NAA16: variants seen among roughly 807,000 people sequenced by gnomAD.
NAA16 encodes the protein N-alpha-acetyltransferase 16, NatA auxiliary subunit.
In NAA16, 97 loss-of-function variants were observed where a neutral mutation model predicts 110.3. That is an observed-to-expected ratio of 0.88 (90% CI 0.75 to 1.04). The LOEUF is 1.04. Ranked by LOEUF, NAA16 falls within the 50% of genes least tolerant of loss-of-function variation. The probability of loss-of-function intolerance (pLI) is 0.00; values close to 1 mark genes in which losing one functional copy is unlikely to be tolerated. For synonymous variants in NAA16, 372 were observed against 330.6 expected (o/e 1.13, Z -1.36); for missense variants, 1,017 against 1,005.1 (o/e 1.01, Z -0.16).
chr13:41,372,270 T>A lies in NAA16; in HGVS notation c.2015T>A (p.Ile672Asn), dbSNP rs781104510. The A allele has an allele frequency of 6.2e-7, 1 of 1,601,610 alleles. No homozygotes were observed. Among genetic ancestry groups the A allele is most frequent in the Non-Finnish European group, 8.5e-7 (1 of 1,175,038 alleles). The change falls in exon 16 of 20, where the codon ATT becomes AAT. Residue 672 changes from isoleucine (I) to asparagine (N), a missense_variant. Physicochemically the swap from Ile to Asn is moderately radical, Grantham distance 149. Transcript: ENST00000379406. Reference protein sequence around the residue: ...IPLKNLVADNIDTHLLAFEIY... With the variant: ...IPLKNLVADNNDTHLLAFEIY... ...CTTAAGAACCTTGTTGCTGATAACA[T>A]TGACACTCATCTGTTAGCATTTGAA...
chr13:41,364,915 C>A (rs913883742), intron 13 of NAA16, among the ~76,000 whole-genome samples: 1 of 152,076 alleles, frequency 6.6e-6, no homozygotes, highest in African/African-American at 2.4e-5. Flanking sequence ...TCCGGGAACT[C>A]TGAGAGGTAG....
intron 9 of NAA16, among the ~76,000 whole-genome samples, chr13:41,340,009 T>C (rs1330870133): frequency 6.6e-6 from 1 of 152,206 alleles, no homozygotes; most frequent in Non-Finnish European, 1.5e-5. Flanking sequence ...GAATCTTCTA[T>C]AAACTCTGAT....
intron 5 of NAA16, among the ~76,000 whole-genome samples, chr13:41,323,884 T>G (rs2042015134): frequency 6.6e-6 from 1 of 152,182 alleles, no homozygotes; most frequent in African/African-American, 2.4e-5. Flanking sequence ...CCACCAACCT[T>G]GAGTCTCTTT....
intron 9 of NAA16, among the ~76,000 whole-genome samples, chr13:41,349,869 G>A (rs8001982): frequency 0.95 from 143,971 of 151,986 alleles, 68,260 homozygotes; most frequent in South Asian, 0.99. Context: ...GCTGAGGCAG[G>A]AGAATCGCTT....
In NAA16 at chr13:41,373,627, GT is replaced by G. The variant is rs1192659675; in HGVS notation, c.2156-5del. Reference sequence around the variant, plus strand: ...AAAAACAAAAAATCCAAATGTTTTTGTTTTTATAGTGTCTAATCATAGTAAT... The same window carrying G: ...AAAAACAAAAAATCCAAATGTTTTTGTTTTATAGTGTCTAATCATAGTAAT... On this transcript the variant is annotated splice_polypyrimidine_tract_variant and intron_variant, in intron 17 of 19. Transcript: ENST00000379406. 6.4e-7 allele frequency: 1 copy of G among 1,554,468 alleles called. No individual in the cohort carries two copies. Among genetic ancestry groups the G allele is most frequent in the Non-Finnish European group, 8.6e-7 (1 of 1,157,274 alleles).
intron 9 of NAA16, among the ~76,000 whole-genome samples, chr13:41,347,327 G>A (rs931374621): frequency 1.3e-5 from 2 of 151,582 alleles, no homozygotes; most frequent in Non-Finnish European, 2.9e-5. Flanking sequence ...GACTATTTTG[G>A]TTATTCAGGG....
At chr13:41,326,515 T>C (rs756166337) in intron 6 of NAA16, among the ~76,000 whole-genome samples, 6 of 152,216 alleles carry the variant, frequency 3.9e-5, no homozygotes, top group Non-Finnish European at 8.8e-5. Context: ...TTGAGTATGG[T>C]AATTGCTTAA....
chr13:41,337,884 A>G (rs895793423), intron 9 of NAA16, among the ~76,000 whole-genome samples: 1 of 152,186 alleles, frequency 6.6e-6, no homozygotes, highest in Non-Finnish European at 1.5e-5. Flanking sequence ...TACCTGTGGC[A>G]GCAGGTTTCA....
At chr13:41,328,437 T>C (rs2139405068) in intron 6 of NAA16, among the ~76,000 whole-genome samples, 1 of 152,266 alleles carries the variant, frequency 6.6e-6, no homozygotes, top group Admixed American at 6.5e-5. Context: ...TCTTTACTTA[T>C]TTCAAAGAGT....
intron 5 of NAA16, among the ~76,000 whole-genome samples, chr13:41,325,452 ATTT>A (rs1158600968): frequency 6.6e-6 from 1 of 151,846 alleles, no homozygotes; most frequent in Non-Finnish European, 1.5e-5. Context: ...TATTTCAACC[ATTT>A]TTATATTTGT....
intron 9 of NAA16, among the ~76,000 whole-genome samples, chr13:41,353,233 C>G (rs1007615955): frequency 3.3e-5 from 5 of 151,996 alleles, no homozygotes; most frequent in African/African-American, 1.2e-4. Context: ...GCGCAAGTTC[C>G]TGAAAAAAAA....
At chr13:41,358,207 T>C (rs987688177) in intron 10 of NAA16, 97 bp from the exon 11 acceptor site, 150 of 1,038,612 alleles carry the variant, frequency 1.4e-4, no homozygotes, top group Non-Finnish European at 2.8e-5. Flanking sequence ...TTGCTTATTA[T>C]TATTGCAATA....
At chr13:41,363,593 T>G (rs985101262) in intron 13 of NAA16, among the ~76,000 whole-genome samples, 4 of 152,174 alleles carry the variant, frequency 2.6e-5, no homozygotes, top group Non-Finnish European at 1.5e-5. Flanking sequence ...CCTTAAATTT[T>G]TAGTGATTTT....
In NAA16 at chr13:41,367,579, A is replaced by G. The variant is rs1275854770; in HGVS notation, c.1680A>G (p.Ser560=). The G allele has an allele frequency of 6.2e-7, 1 of 1,613,360 alleles. No homozygotes were observed. The highest frequency in any genetic ancestry group is 2.2e-5 in the East Asian group (1 of 44,784). Residue 560 remains serine (S), a synonymous_variant, in exon 14 of 20, where the codon TCA becomes TCG. Coordinates refer to ENST00000379406, the MANE Select transcript of NAA16 (RefSeq NM_024561.5). ...RHAFYFKAAR[S]AIEIYLKLYD... is the part of the protein sequence containing the mutation. Reference sequence around the variant, plus strand: ...CCTTTTATTTCAAGGCTGCTAGATCAGCGATTGAAATATACTTGAAATTGT... The same window carrying G: ...CCTTTTATTTCAAGGCTGCTAGATCGGCGATTGAAATATACTTGAAATTGT...
rs1298230709 is a variant in NAA16 at position 41,311,494 on chromosome 13, T to A, written c.-35T>A. 1 of 1,572,688 alleles carries A rather than the reference T, an allele frequency of 6.4e-7. No individual in the cohort carries two copies. The highest frequency in any genetic ancestry group is 1.2e-5 in the South Asian group (1 of 85,756). ...AAGCGGAGCGCCCGGGCACCTAGCCTCCCTGCCGGCCACCTAGCCTCCCTG... is the reference window on the plus strand; with the variant it reads ...AAGCGGAGCGCCCGGGCACCTAGCCACCCTGCCGGCCACCTAGCCTCCCTG... On this transcript the variant is annotated 5_prime_UTR_variant, in exon 1 of 20. Coordinates refer to ENST00000379406, the MANE Select transcript of NAA16 (RefSeq NM_024561.5).
rs2043419377 is a variant in NAA16, at chr13:41,375,891, T to G, written c.*289T>G. On this transcript the variant is annotated 3_prime_UTR_variant, in exon 20 of 20. Transcript: ENST00000379406. Reference sequence around the variant, plus strand: ...TACAACCCCACTGTATTATTTTCTTTAGATTCTGATTTCAGGATCTGTGCT... The same window carrying G: ...TACAACCCCACTGTATTATTTTCTTGAGATTCTGATTTCAGGATCTGTGCT... 4.4e-6 allele frequency: 1 copy of G among 227,562 alleles called. No homozygotes were observed. Among genetic ancestry groups the G allele is most frequent in the Non-Finnish European group, 8.5e-6 (1 of 118,266 alleles). The allele number at this position is 227,562 out of a possible 1,614,324, so 14.1% of individuals were successfully genotyped here. A position where few individuals can be genotyped will look rare whatever the true frequency, so the allele number is the denominator to read the frequency against.
chr13:41,345,731 C>A (rs913771282), intron 9 of NAA16, among the ~76,000 whole-genome samples: 3 of 152,096 alleles, frequency 2.0e-5, no homozygotes, highest in African/African-American at 7.2e-5. Flanking sequence ...TACAGGCATG[C>A]GCTACCGTGC....
chr13:41,331,454 T>C, intron 8 of NAA16, 85 bp downstream of exon 8: 1 of 1,009,114 alleles, frequency 9.9e-7, no homozygotes, highest in Non-Finnish European at 1.5e-6. Flanking sequence ...GTTTCTGGTA[T>C]AGAGTTTATG....
intron 9 of NAA16, 35 bp downstream of exon 9, chr13:41,336,791 CTT>C (rs1308729529): frequency 6.6e-6 from 8 of 1,210,382 alleles, no homozygotes; most frequent in Non-Finnish European, 8.4e-6. Flanking sequence ...TTGCTATAGT[CTT>C]TTTTACTAAA....
Sources: allele counts gnomAD v4.1 joint callset (sites outside exome capture counted in the v4.1 genomes callset), GRCh38; gene constraint gnomAD v4.1.1; transcripts MANE v1.5; gene names NCBI Gene and HGNC (gene_info 2026-07-23, HGNC 2026-07-21).